Variants in MALRD1 observed in about 807,000 individuals in gnomAD.
The protein encoded by MALRD1 is MAM and LDL-receptor class A domain-containing protein 1.
Under a neutral mutation model 242.1 loss-of-function variants are expected in MALRD1, and 247 were observed. The ratio of observed to expected loss-of-function variants is 1.02; its 90% CI spans 0.92 to 1.13. The LOEUF (loss-of-function observed/expected upper bound fraction) is 1.13, where lower values mean the gene tolerates loss of function less well. Ranked by LOEUF, MALRD1 falls within the 50% of genes most tolerant of loss-of-function variation. MALRD1 has a pLI of 0.00. For synonymous variants in MALRD1, 995 were observed against 866.6 expected, an observed-to-expected ratio of 1.15 and a Z score of -2.60; for missense variants, 2,989 against 2,533.1, an observed-to-expected ratio of 1.18 and a Z score of -3.86.
intron 31 of MALRD1, among the ~76,000 whole-genome samples, chr10:19,512,576 C>T (rs1392760159): frequency 2.0e-5 from 3 of 152,180 alleles, no homozygotes; most frequent in Non-Finnish European, 4.4e-5. Context: ...CTCTTAGTTA[C>T]TGTCATAGCA....
chr10:19,479,823 A>G (rs372136551), intron 29 of MALRD1, among the ~76,000 whole-genome samples: 1 of 152,162 alleles, frequency 6.6e-6, no homozygotes, highest in Non-Finnish European at 1.5e-5. Flanking sequence ...TTCAAGGTCT[A>G]TCCCACTGAT....
At chr10:19,316,433 G>A (rs933665129) in intron 21 of MALRD1, among the ~76,000 whole-genome samples, 1 of 151,820 alleles carries the variant, frequency 6.6e-6, no homozygotes, top group East Asian at 1.9e-4. Flanking sequence ...CAAACTCTGG[G>A]GAGTCAGCCA....
intron 36 of MALRD1, among the ~76,000 whole-genome samples, chr10:19,652,663 A>G (rs1299426344): frequency 6.6e-6 from 1 of 152,192 alleles, no homozygotes; most frequent in Non-Finnish European, 1.5e-5. Flanking sequence ...TCACACCTGT[A>G]ACCCCAACAC....
At chr10:19,504,726 A>G (rs1421857965) in intron 31 of MALRD1, among the ~76,000 whole-genome samples, 6 of 118,350 alleles carry the variant, frequency 5.1e-5, no homozygotes, top group African/African-American at 2.0e-4. Flanking sequence ...CCCAGGCCGG[A>G]CTGCGGACTG....
intron 29 of MALRD1, among the ~76,000 whole-genome samples, chr10:19,470,244 A>G (rs1468165134): frequency 6.6e-6 from 1 of 152,086 alleles, no homozygotes; most frequent in Admixed American, 6.5e-5. Context: ...TACCTTCCAG[A>G]GTCACCCATG....
At chr10:19,719,209 TATACAC>T (rs1309965832) in intron 38 of MALRD1, among the ~76,000 whole-genome samples, 2 of 37,090 alleles carry the variant, frequency 5.4e-5, no homozygotes, top group African/African-American at 3.6e-4. Context: ...TATATATATA[TATACAC>T]ATACATACAT....
At chr10:19,432,892 A>G (rs1834199737) in intron 28 of MALRD1, among the ~76,000 whole-genome samples, 1 of 152,242 alleles carries the variant, frequency 6.6e-6, no homozygotes, top group Non-Finnish European at 1.5e-5. Flanking sequence ...AGGAAACTGA[A>G]TAACTTTGGA....
At chr10:19,057,188 A>G (rs1048811900) in intron 1 of MALRD1, among the ~76,000 whole-genome samples, 3 of 152,162 alleles carry the variant, frequency 2.0e-5, no homozygotes, top group African/African-American at 7.2e-5. Flanking sequence ...GGTCTCATAA[A>G]ATGACTTTTT....
intron 36 of MALRD1, among the ~76,000 whole-genome samples, chr10:19,635,907 AT>A (rs993449420): frequency 2.4e-4 from 36 of 148,358 alleles, no homozygotes; most frequent in East Asian, 2.0e-3. Flanking sequence ...TTTATTGTTA[AT>A]TTTTTTTTTT....
At chr10:19,733,363 A>C (rs1389468424) in intron 39 of MALRD1, among the ~76,000 whole-genome samples, 1 of 152,146 alleles carries the variant, frequency 6.6e-6, no homozygotes. Context: ...TTTAATTTCA[A>C]CTGTAAAGAC....
chr10:19,485,193 G>A (rs1467706625), intron 29 of MALRD1, among the ~76,000 whole-genome samples: 1 of 152,156 alleles, frequency 6.6e-6, no homozygotes, highest in Non-Finnish European at 1.5e-5. Flanking sequence ...GGCTGAGAGA[G>A]TAGTTCGAGG....
At chr10:19,611,096 T>C (rs1838873452) in intron 35 of MALRD1, among the ~76,000 whole-genome samples, 1 of 152,026 alleles carries the variant, frequency 6.6e-6, no homozygotes, top group Admixed American at 6.6e-5. Context: ...TAATACCTTA[T>C]ACACACCATT....
chr10:19,389,307 A>T, intron 27 of MALRD1, 145 bp from the exon 28 acceptor site: 1 of 898,060 alleles, frequency 1.1e-6, no homozygotes. Context: ...CGAGGCTATT[A>T]GATTTTCTTT....
chr10:19,309,176 T>C (rs1842332488), intron 21 of MALRD1, among the ~76,000 whole-genome samples: 1 of 151,568 alleles, frequency 6.6e-6, no homozygotes, highest in South Asian at 2.1e-4. Context: ...AGATTGATTC[T>C]CACAGAGGTG....
chr10:19,190,384 A>T (rs537869504), intron 14 of MALRD1, among the ~76,000 whole-genome samples: 1 of 152,278 alleles, frequency 6.6e-6, no homozygotes, highest in Admixed American at 6.5e-5. Context: ...ACTCAAAGTG[A>T]TCTACAGATT....
In MALRD1 at chr10:19,148,788, AATATATAT is replaced by A. The variant is rs767384867; in HGVS notation, c.1558+2459_1558+2466del. On this transcript the variant is annotated intron_variant, in intron 11 of 39. Coordinates refer to ENST00000454679, the MANE Select transcript of MALRD1 (RefSeq NM_001142308.3). Reference sequence around the variant, plus strand: ...AAGGGCCAATTAAAAAAAAAAAAAAAATATATATATATATATATATATCTGGATCACGG... The same window carrying A: ...AAGGGCCAATTAAAAAAAAAAAAAAAATATATATATATATCTGGATCACGG... Among the ~76,000 whole-genome samples the A allele has an allele frequency of 8.2e-4, 72 of 88,042 alleles. No homozygotes were observed. The Middle Eastern group carries it at 0.021, about 26-fold the overall frequency. 57.8% of individuals were successfully genotyped at this position (88,042 alleles called of 152,430 possible). A position where few individuals can be genotyped will look rare whatever the true frequency, so the allele number is the denominator to read the frequency against.
intron 36 of MALRD1, among the ~76,000 whole-genome samples, chr10:19,683,134 G>A (rs7898840): frequency 0.91 from 137,602 of 150,924 alleles, 62,756 homozygotes; most frequent in East Asian, 0.95. Flanking sequence ...ATCTCTACCG[G>A]AAAAAAAAAA....
chr10:19,694,717 A>T (rs1458423629), intron 38 of MALRD1, among the ~76,000 whole-genome samples: 1 of 152,246 alleles, frequency 6.6e-6, no homozygotes, highest in Non-Finnish European at 1.5e-5. Context: ...GCCATCCATT[A>T]CTGGGTATAT....
At chr10:19,309,911 C>G (rs1842358718) in intron 21 of MALRD1, among the ~76,000 whole-genome samples, 1 of 151,440 alleles carries the variant, frequency 6.6e-6, no homozygotes, top group Non-Finnish European at 1.5e-5. Context: ...CACTGAAAGA[C>G]CAGCAACACC....
Sources: allele counts gnomAD v4.1 joint callset (sites outside exome capture counted in the v4.1 genomes callset), GRCh38; gene constraint gnomAD v4.1.1; transcripts MANE v1.5; gene names NCBI Gene and HGNC (gene_info 2026-07-23, HGNC 2026-07-21).